The following PPP4R4 variants were observed in gnomAD, a reference collection of about 807,000 sequenced individuals.
The protein encoded by PPP4R4 is protein phosphatase 4 regulatory subunit 4.
A neutral mutation model predicts 121.8 loss-of-function variants in PPP4R4; 70 were observed. The observed-to-expected ratio is 0.57, with a 90% CI of 0.47 to 0.70. The LOEUF (loss-of-function observed/expected upper bound fraction) is 0.70. PPP4R4 is among the 30% of genes least tolerant of loss of function. The probability of loss-of-function intolerance (pLI) is 0.00; values close to 1 mark genes in which losing one functional copy is unlikely to be tolerated. For synonymous variants in PPP4R4, 348 were observed against 355.7 expected (o/e 0.98, Z 0.24); for missense variants, 875 against 1,033.6 (o/e 0.85, Z 2.10).
At chr14:94,213,218 C>T (rs978033130) in intron 3 of PPP4R4, among the ~76,000 whole-genome samples, 2 of 152,174 alleles carry the variant, frequency 1.3e-5, no homozygotes, top group Non-Finnish European at 2.9e-5. Flanking sequence ...CCTGAGTCCT[C>T]ACTCTTTACT....
At chr14:94,224,164 A>G (rs1178246861) in intron 3 of PPP4R4, among the ~76,000 whole-genome samples, 1 of 152,184 alleles carries the variant, frequency 6.6e-6, no homozygotes, top group African/African-American at 2.4e-5. Flanking sequence ...GATTCAAAGA[A>G]CTGAGAGAAA....
chr14:94,219,030 A>G (rs1891233229), intron 3 of PPP4R4, among the ~76,000 whole-genome samples: 1 of 151,630 alleles, frequency 6.6e-6, no homozygotes, highest in South Asian at 2.1e-4. Flanking sequence ...TATCAAATCT[A>G]TACCACAAGA....
intron 13 of PPP4R4, 78 bp from the exon 14 acceptor site, chr14:94,246,279 A>G (rs1892890269): frequency 2.4e-6 from 3 of 1,236,480 alleles, no homozygotes; most frequent in East Asian, 2.5e-5. Flanking sequence ...CTCTTCCCCA[A>G]TGTGTTATAA....
intron 14 of PPP4R4, among the ~76,000 whole-genome samples, chr14:94,249,355 T>A (rs1327268426): frequency 6.6e-6 from 1 of 152,032 alleles, no homozygotes; most frequent in Non-Finnish European, 1.5e-5. Context: ...GAATAGCTCA[T>A]ATAAAATATG....
chr14:94,174,673 C>T, intron 1 of PPP4R4, 91 bp downstream of exon 1: 1 of 1,511,588 alleles, frequency 6.6e-7, no homozygotes, highest in African/African-American at 1.4e-5. Context: ...CCACCACCCT[C>T]CCCTCCTCCG....
intron 8 of PPP4R4, among the ~76,000 whole-genome samples, chr14:94,238,663 AT>A (rs1892470369): frequency 6.6e-6 from 1 of 152,248 alleles, no homozygotes; most frequent in African/African-American, 2.4e-5. Flanking sequence ...ATCAGTAAAC[AT>A]TAACTATTTT....
chr14:94,208,473 A>C lies in PPP4R4; in HGVS notation c.201A>C (p.Gln67His), dbSNP rs143912585. The C allele has an allele frequency of 1.9e-4, 312 of 1,607,404 alleles. 3 individuals carry two copies. In the South Asian group the frequency reaches 2.6e-3, roughly 14 times the overall value. ...ERAVYLLSAG[Q>H]DVQGTSVIAN... ...GTGTTTTCTTTGTAAGTGCTGGTCA[A>C]GATGTCCAAGGAACAAGTGTGATTG... Residue 67 changes from glutamine to histidine, a missense_variant, in exon 3 of 25, where the codon CAA becomes CAC. Physicochemically the swap from Gln to His is conservative, Grantham distance 24. Transcript: ENST00000304338.
intron 20 of PPP4R4, 58 bp from the exon 21 acceptor site, chr14:94,265,329 A>T: frequency 1.6e-6 from 2 of 1,244,606 alleles, no homozygotes; most frequent in Non-Finnish European, 2.4e-6. Flanking sequence ...TTGTGTATTT[A>T]TGGAGATTAA....
chr14:94,275,195 T>G (rs1253022776), intron 23 of PPP4R4, among the ~76,000 whole-genome samples, 179 bp from the exon 24 acceptor site: 1 of 152,198 alleles, frequency 6.6e-6, no homozygotes, highest in East Asian at 1.9e-4. Flanking sequence ...GGTGATGACT[T>G]CATGGGGGTG....
intron 18 of PPP4R4, 140 bp from the exon 19 acceptor site, chr14:94,259,155 G>T (rs969696806): frequency 7.2e-7 from 1 of 1,394,050 alleles, no homozygotes; most frequent in Non-Finnish European, 9.6e-7. Flanking sequence ...CCCACAACAT[G>T]TGGGAATTAG....
intron 16 of PPP4R4, among the ~76,000 whole-genome samples, chr14:94,256,178 A>G (rs1001986748): frequency 6.6e-6 from 1 of 152,100 alleles, no homozygotes; most frequent in East Asian, 1.9e-4. Flanking sequence ...ATTTTTCTCC[A>G]TAGCATTTAA....
At chr14:94,181,010 A>T (rs1888955934) in intron 2 of PPP4R4, among the ~76,000 whole-genome samples, 1 of 152,130 alleles carries the variant, frequency 6.6e-6, no homozygotes, top group Non-Finnish European at 1.5e-5. Context: ...AACTCCAGTG[A>T]TTAAAGCTTT....
At chr14:94,206,059 G>C (rs1010287577) in intron 2 of PPP4R4, among the ~76,000 whole-genome samples, 1 of 151,722 alleles carries the variant, frequency 6.6e-6, no homozygotes, top group Non-Finnish European at 1.5e-5. Context: ...TTGAGAGATG[G>C]GTTCTGAAAT....
chr14:94,217,481 T>C (rs1379379407), intron 3 of PPP4R4, among the ~76,000 whole-genome samples: 1 of 152,164 alleles, frequency 6.6e-6, no homozygotes, highest in Non-Finnish European at 1.5e-5. Flanking sequence ...GCATTCAACA[T>C]TTCAAAATCA....
At chr14:94,268,658 C>T (rs1894163978) in intron 23 of PPP4R4, among the ~76,000 whole-genome samples, 1 of 152,082 alleles carries the variant, frequency 6.6e-6, no homozygotes, top group Non-Finnish European at 1.5e-5. Flanking sequence ...GGGGAGGCCT[C>T]ACAATCATGG....
intron 3 of PPP4R4, among the ~76,000 whole-genome samples, chr14:94,228,585 T>C (rs945114365): frequency 1.3e-5 from 2 of 152,180 alleles, no homozygotes; most frequent in African/African-American, 4.8e-5. Flanking sequence ...CCATTTTTGC[T>C]TTGCCTTCTA....
At chr14:94,232,261 A>G (rs1294575115) in intron 5 of PPP4R4, among the ~76,000 whole-genome samples, 1 of 152,170 alleles carries the variant, frequency 6.6e-6, no homozygotes, top group Non-Finnish European at 1.5e-5. Flanking sequence ...CTTTCCAAAT[A>G]TGTCATGATT....
At chr14:94,216,191 G>A (rs1891009280) in intron 3 of PPP4R4, among the ~76,000 whole-genome samples, 1 of 152,210 alleles carries the variant, frequency 6.6e-6, no homozygotes, top group African/African-American at 2.4e-5. Flanking sequence ...GATATAGAAA[G>A]CTGCAAGAGA....
At chr14:94,261,996 C>G (rs1174946426) in intron 19 of PPP4R4, among the ~76,000 whole-genome samples, 1 of 151,802 alleles carries the variant, frequency 6.6e-6, no homozygotes, top group East Asian at 1.9e-4. Context: ...TGAAATTGGC[C>G]TATAATTCCC....
Sources: gnomAD v4.1 joint callset for allele counts (sites outside exome capture counted in the v4.1 genomes callset) on GRCh38, gnomAD v4.1.1 for gene constraint, MANE v1.5 for transcripts, NCBI Gene and HGNC (gene_info 2026-07-23, HGNC 2026-07-21) for gene names.